GSN: variants seen among roughly 807,000 people sequenced by gnomAD.
GSN encodes the protein gelsolin.
Under a neutral mutation model 85.7 loss-of-function variants are expected in GSN, and 56 were observed. That is an observed-to-expected ratio of 0.65 (90% CI 0.53 to 0.82). The LOEUF is 0.82. GSN is among the 40% of genes least tolerant of loss of function. The pLI is 0.00. For synonymous variants in GSN, 373 were observed against 399.1 expected (o/e 0.93, Z 0.78); for missense variants, 857 against 979.8 (o/e 0.87, Z 1.67).
chr9:121,243,298 T>A (rs937230517), intron 5 of GSN, among the ~76,000 whole-genome samples: 5 of 152,220 alleles, frequency 3.3e-5, no homozygotes, highest in Admixed American at 6.5e-5. Context: ...AAAATCTCCT[T>A]CTGCCTATCC....
chr9:121,304,844 T>TC, intron 4 of GSN, among the ~76,000 whole-genome samples: 1 of 152,054 alleles, frequency 6.6e-6, no homozygotes, highest in African/African-American at 2.4e-5. Flanking sequence ...GGTGCTGGGG[T>TC]GCCCAAGTGA....
chr9:121,297,725 A>G (rs1055754224), intron 2 of GSN: 5 of 152,142 alleles, frequency 3.3e-5, no homozygotes, highest in African/African-American at 1.2e-4. Flanking sequence ...ACAGCTGCAT[A>G]GTGTCTATTG....
chr9:121,250,903 G>A (rs923565956), intron 6 of GSN, among the ~76,000 whole-genome samples: 1 of 147,362 alleles, frequency 6.8e-6, no homozygotes, highest in Admixed American at 6.8e-5. Flanking sequence ...GTGTGTGTGT[G>A]TGTGTGTGCT....
At chr9:121,291,995 C>G (rs1476460047) in intron 2 of GSN, among the ~76,000 whole-genome samples, 4 of 152,204 alleles carry the variant, frequency 2.6e-5, no homozygotes, top group Non-Finnish European at 5.9e-5. Context: ...TTCCCAGGCT[C>G]AAGTGATCCT....
At chr9:121,321,966 C>T (rs2062525779) in intron 11 of GSN, among the ~76,000 whole-genome samples, 1 of 152,160 alleles carries the variant, frequency 6.6e-6, no homozygotes, top group Non-Finnish European at 1.5e-5. Context: ...TGGTCTCGAA[C>T]TCCTGACCTC....
At chr9:121,213,368 G>A (rs1277161824) in intron 4 of GSN, among the ~76,000 whole-genome samples, 2 of 152,178 alleles carry the variant, frequency 1.3e-5, no homozygotes, top group Non-Finnish European at 1.5e-5. Flanking sequence ...CAAATCCAGA[G>A]GAGCCGAATC....
At chr9:121,205,573 C>G (rs1160821610), upstream of GSN, among the ~76,000 whole-genome samples, 1 of 152,150 alleles carries the variant, frequency 6.6e-6, no homozygotes, top group Non-Finnish European at 1.5e-5. Context: ...TTATCCCTTC[C>G]TCCCACCTTG....
In GSN at chr9:121,301,964, C is replaced by G. The variant is rs781185807; in HGVS notation, c.-8C>G. 6.2e-7 allele frequency: 1 copy of G among 1,614,166 alleles called. No homozygotes were observed. Among genetic ancestry groups the G allele is most frequent in the Non-Finnish European group, 8.5e-7 (1 of 1,180,008 alleles). The stretch of plus-strand genomic sequence containing the variant: ...AGGCTCTGCCCTGTCTCATCCCAGC[C>G]CAACAGCATGGTGGTGGAACACCCC... On this transcript the variant is annotated splice_region_variant and 5_prime_UTR_variant, in exon 3 of 18. Transcript: ENST00000432226.
chr9:121,252,026 T>C (rs767201759), intron 6 of GSN, among the ~76,000 whole-genome samples: 2 of 152,128 alleles, frequency 1.3e-5, no homozygotes, highest in Non-Finnish European at 2.9e-5. Context: ...ATTAGAAGCA[T>C]TTATTCAACA....
At chr9:121,312,030 A>G in intron 5 of GSN, 1 of 359,740 alleles carries the variant, frequency 2.8e-6, no homozygotes, top group Admixed American at 4.3e-5. Flanking sequence ...CTATGGCCAA[A>G]TGGTTTTCCA....
intron 4 of GSN, among the ~76,000 whole-genome samples, chr9:121,306,935 C>T (rs760695275): frequency 6.6e-6 from 1 of 152,214 alleles, no homozygotes; most frequent in Admixed American, 6.5e-5. Context: ...AATCCCAACA[C>T]TTTGGGAGGC....
At chr9:121,293,298 T>C (rs1220245338) in intron 2 of GSN, among the ~76,000 whole-genome samples, 2 of 151,952 alleles carry the variant, frequency 1.3e-5, no homozygotes, top group Non-Finnish European at 2.9e-5. Context: ...GCCTGAAGGG[T>C]TCTTGGACAT....
chr9:121,299,894 T>TTGCGCGCTGTCCCTGGCGCTG lies in GSN; in HGVS notation c.-9-2057_-9-2037dup, dbSNP rs762432847. On this transcript the variant is annotated intron_variant, in intron 2 of 17. Coordinates refer to ENST00000432226, the MANE Select transcript of GSN (RefSeq NM_198252.3). The surrounding 1 kb of genome is among the most constrained non-coding windows in gnomAD (Gnocchi z 4.2). ...CGCACCGCCCCGCGCCCGCGCTGCT[T>TTGCGCGCTGTCCCTGGCGCTG]TGCGCGCTGTCCCTGGCGCTGTGCG... is the stretch of plus-strand genomic sequence containing the variant. The TTGCGCGCTGTCCCTGGCGCTG allele has an allele frequency of 5.3e-5, 70 of 1,318,158 alleles. No homozygotes were observed. The highest frequency in any genetic ancestry group is 1.8e-5 in the Non-Finnish European group (18 of 1,024,778). The allele number at this position is 1,318,158 out of a possible 1,614,324, so 81.7% of individuals were successfully genotyped here. A position where few individuals can be genotyped will look rare whatever the true frequency, so the allele number is the denominator to read the frequency against.
At chr9:121,221,683 T>C (rs551631008) in intron 4 of GSN, among the ~76,000 whole-genome samples, 3 of 152,242 alleles carry the variant, frequency 2.0e-5, no homozygotes, top group African/African-American at 7.2e-5. Flanking sequence ...TTCCCATTCA[T>C]AGAAAGAAGA....
At chr9:121,296,843 G>A (rs1223864510) in intron 2 of GSN, among the ~76,000 whole-genome samples, 1 of 152,264 alleles carries the variant, frequency 6.6e-6, no homozygotes, top group East Asian at 1.9e-4. Flanking sequence ...CAGAGGGCAA[G>A]GGTGGGGTCT....
At chr9:121,229,209 A>G (rs2054338253) in intron 4 of GSN, among the ~76,000 whole-genome samples, 2 of 152,158 alleles carry the variant, frequency 1.3e-5, no homozygotes, top group Non-Finnish European at 2.9e-5. Context: ...TTTCATAATG[A>G]AATTAAAAAT....
At position 121,325,392 on chromosome 9, in the gene GSN, G is replaced by A. The variant is rs918656596; in HGVS notation, c.1416+748G>A. On this transcript the variant is annotated intron_variant, in intron 12 of 17. Coordinates refer to ENST00000432226, the MANE Select transcript of GSN (RefSeq NM_198252.3). ...GGTGGTACACATGCAAAGGCCCTGAGGTGGGAGGGGGCATTGGGTGTTAAA... is the reference window on the plus strand; with the variant it reads ...GGTGGTACACATGCAAAGGCCCTGAAGTGGGAGGGGGCATTGGGTGTTAAA... Among the ~76,000 whole-genome samples, 6 of 152,142 alleles carry A rather than the reference G, an allele frequency of 3.9e-5. No individual in the cohort carries two copies. The East Asian group carries it at 9.7e-4, about 24-fold the overall frequency.
At chr9:121,223,894 AG>A (rs2054220411) in intron 4 of GSN, among the ~76,000 whole-genome samples, 1 of 152,036 alleles carries the variant, frequency 6.6e-6, no homozygotes, top group South Asian at 2.1e-4. Context: ...CTTGGGCTCA[AG>A]TAATCCACCC....
At chr9:121,256,757 C>T (rs1417382231) in intron 6 of GSN, among the ~76,000 whole-genome samples, 4 of 151,794 alleles carry the variant, frequency 2.6e-5, no homozygotes, top group African/African-American at 7.3e-5. Context: ...GCCGTGGTGG[C>T]GGAAATCTGT....
Sources: allele counts gnomAD v4.1 joint callset (sites outside exome capture counted in the v4.1 genomes callset), GRCh38; gene constraint gnomAD v4.1.1; non-coding constraint Gnocchi (gnomAD v3.1); transcripts MANE v1.5; gene names NCBI Gene and HGNC (gene_info 2026-07-23, HGNC 2026-07-21).